PRR5L: variants seen among roughly 807,000 people sequenced by gnomAD.
PRR5L encodes proline-rich protein 5-like.
In PRR5L, 21 loss-of-function variants were observed where a neutral mutation model predicts 36.4. The ratio of observed to expected loss-of-function variants is 0.58; its 90% CI spans 0.41 to 0.83. The LOEUF is 0.83. Ranked by LOEUF, PRR5L falls within the 40% of genes least tolerant of loss-of-function variation. The pLI is 0.00. For synonymous variants in PRR5L, 188 were observed against 197.0 expected, an observed-to-expected ratio of 0.95 and a Z score of 0.38; for missense variants, 381 against 473.3, an observed-to-expected ratio of 0.80 and a Z score of 1.81.
Position 36,344,862 on chromosome 11 carries a change from T to C in PRR5L, c.-126+48424T>C, listed in dbSNP as rs1856848874. Among the ~76,000 whole-genome samples, 1 of 152,244 alleles carries C rather than the reference T, an allele frequency of 6.6e-6. No individual in the cohort carries two copies. Among genetic ancestry groups the C allele is most frequent in the Non-Finnish European group, 1.5e-5 (1 of 68,044 alleles). ...GCACAAATACCCATGGAGCTCCTCC[T>C]TGACTATTGAATTTGGCATTTTTGA... On this transcript the variant is annotated intron_variant, in intron 1 of 8. Coordinates refer to ENST00000530639, the MANE Select transcript of PRR5L (RefSeq NM_001160167.2). This position sits in a 1 kb window ranked among gnomAD's most constrained non-coding sequence, Gnocchi z 4.1.
chr11:36,304,233 A>G (rs1052958921), intron 1 of PRR5L, among the ~76,000 whole-genome samples: 1 of 152,230 alleles, frequency 6.6e-6, no homozygotes, highest in African/African-American at 2.4e-5. Flanking sequence ...ATGGATCTGC[A>G]GAATAAAATG....
chr11:36,447,209 G>A (rs1672067901), intron 7 of PRR5L, among the ~76,000 whole-genome samples: 2 of 152,214 alleles, frequency 1.3e-5, no homozygotes, highest in South Asian at 4.1e-4. Flanking sequence ...ATCACTGTAT[G>A]AAGTAGGCAT....
intron 3 of PRR5L, among the ~76,000 whole-genome samples, chr11:36,414,951 C>T (rs1225901139): frequency 7.1e-6 from 1 of 141,468 alleles, no homozygotes; most frequent in Non-Finnish European, 1.5e-5. Flanking sequence ...TTTCCCAGAA[C>T]CATTTATTAA....
intron 3 of PRR5L, among the ~76,000 whole-genome samples, chr11:36,412,080 G>A (rs193172590): frequency 1.3e-5 from 2 of 152,222 alleles, no homozygotes; most frequent in East Asian, 3.9e-4. Flanking sequence ...TTCTAGGTGA[G>A]GAAACTGAAG....
chr11:36,352,158 A>G (rs1180925970), intron 1 of PRR5L, among the ~76,000 whole-genome samples: 2 of 152,050 alleles, frequency 1.3e-5, no homozygotes, highest in Admixed American at 1.3e-4. Flanking sequence ...TGTGGTTTCA[A>G]TTTGCATTTC....
At chr11:36,424,941 C>G (rs1333076122) in intron 4 of PRR5L, among the ~76,000 whole-genome samples, 1 of 152,146 alleles carries the variant, frequency 6.6e-6, no homozygotes, top group Non-Finnish European at 1.5e-5. Flanking sequence ...CCTGGCTCAG[C>G]TTCCTGAGTA....
At chr11:36,336,694 C>G (rs1590454085) in intron 1 of PRR5L, among the ~76,000 whole-genome samples, 1 of 151,982 alleles carries the variant, frequency 6.6e-6, no homozygotes, top group Admixed American at 6.6e-5. Context: ...AATAGAAAAG[C>G]ATGTATTTTT....
At chr11:36,327,404 G>A (rs1404635139) in intron 1 of PRR5L, among the ~76,000 whole-genome samples, 2 of 152,152 alleles carry the variant, frequency 1.3e-5, no homozygotes, top group African/African-American at 4.8e-5. Context: ...CAGACTCTTT[G>A]TAACAATAAG....
intron 1 of PRR5L, among the ~76,000 whole-genome samples, chr11:36,351,784 T>TCTA (rs61146122): frequency 9.3e-6 from 1 of 107,818 alleles, no homozygotes; most frequent in Admixed American, 1.3e-4. Context: ...TATTTATATA[T>TCTA]TTTTTTTATA....
intron 4 of PRR5L, among the ~76,000 whole-genome samples, chr11:36,421,099 G>T (rs1258373453): frequency 6.6e-6 from 1 of 152,184 alleles, no homozygotes; most frequent in Non-Finnish European, 1.5e-5. Context: ...TCTACTGATT[G>T]ATTTTTTTTA....
chr11:36,352,449 A>C (rs1421269887), intron 1 of PRR5L, among the ~76,000 whole-genome samples: 2 of 152,064 alleles, frequency 1.3e-5, no homozygotes. Context: ...TAGTTAATTG[A>C]GTCCCATCTA....
chr11:36,308,972 A>G (rs1392237204), intron 1 of PRR5L, among the ~76,000 whole-genome samples: 1 of 152,232 alleles, frequency 6.6e-6, no homozygotes, highest in Non-Finnish European at 1.5e-5. Flanking sequence ...GAGAAAAAGA[A>G]AGGCTTATTT....
chr11:36,366,066 G>A (rs1220993777), intron 1 of PRR5L, among the ~76,000 whole-genome samples: 2 of 152,196 alleles, frequency 1.3e-5, no homozygotes, highest in Non-Finnish European at 2.9e-5. Context: ...TCCCCAAACA[G>A]TTTTGCAACT....
chr11:36,390,845 A>G (rs1857550187), intron 1 of PRR5L, among the ~76,000 whole-genome samples: 1 of 152,216 alleles, frequency 6.6e-6, no homozygotes, highest in Non-Finnish European at 1.5e-5. Flanking sequence ...GGCAGTCAGT[A>G]AATGGTGCTA....
At chr11:36,320,248 T>C (rs1443640001) in intron 1 of PRR5L, among the ~76,000 whole-genome samples, 1 of 147,406 alleles carries the variant, frequency 6.8e-6, no homozygotes, top group Non-Finnish European at 1.5e-5. Flanking sequence ...TCTTTTTTTT[T>C]TTTTTTTTTT....
intron 1 of PRR5L, among the ~76,000 whole-genome samples, chr11:36,354,728 A>G (rs953278767): frequency 1.3e-5 from 2 of 152,264 alleles, no homozygotes; most frequent in Non-Finnish European, 2.9e-5. Context: ...AGTTTGGCAC[A>G]TGGTGAGCAC....
intron 8 of PRR5L, among the ~76,000 whole-genome samples, chr11:36,453,056 G>A (rs1440445163): frequency 6.6e-6 from 1 of 152,196 alleles, no homozygotes; most frequent in Non-Finnish European, 1.5e-5. Flanking sequence ...TGTGGCAAGG[G>A]AAATAGATGG....
At chr11:36,325,582 T>C (rs961112373) in intron 1 of PRR5L, among the ~76,000 whole-genome samples, 3 of 152,208 alleles carry the variant, frequency 2.0e-5, no homozygotes, top group African/African-American at 7.2e-5. Flanking sequence ...TGATTGGCTA[T>C]TTCTTTACCT....
chr11:36,433,066 C>T (rs331484), intron 5 of PRR5L, among the ~76,000 whole-genome samples: 20,429 of 151,806 alleles, frequency 0.13, 2,056 homozygotes, highest in African/African-American at 0.29. Flanking sequence ...TACCCAATAA[C>T]CCAAGACCTT....
Sources: allele counts gnomAD v4.1 joint callset (sites outside exome capture counted in the v4.1 genomes callset), GRCh38; gene constraint gnomAD v4.1.1; non-coding constraint Gnocchi (gnomAD v3.1); transcripts MANE v1.5; gene names NCBI Gene and HGNC (gene_info 2026-07-23, HGNC 2026-07-21).